RADIL: variants seen among roughly 807,000 people sequenced by gnomAD.
RADIL encodes Rap associating with DIL domain, also known as ras-associating and dilute domain-containing protein.
RADIL carries 99 observed loss-of-function variants against 97.6 expected under a neutral mutation model. The observed-to-expected ratio is 1.01, with a 90% CI of 0.86 to 1.20. The LOEUF (loss-of-function observed/expected upper bound fraction) is 1.20. Among genes scored for constraint, RADIL ranks in the 50% most tolerant of loss-of-function variants. The pLI, the probability that RADIL is intolerant of heterozygous loss-of-function variation, is 0.00. For missense variants in RADIL, 1,765 were observed against 1,498.9 expected (o/e 1.18, Z -2.93); for synonymous variants, 803 against 691.8 (o/e 1.16, Z -2.52).
chr7:4,870,887 C>G (rs950383296), intron 2 of RADIL, among the ~76,000 whole-genome samples: 1 of 152,164 alleles, frequency 6.6e-6, no homozygotes, highest in African/African-American at 2.4e-5. Context: ...GCTGCCCCTC[C>G]GGGACTCACT....
intron 9 of RADIL, among the ~76,000 whole-genome samples, chr7:4,806,235 G>A (rs1174055224): frequency 4.6e-5 from 7 of 152,316 alleles, no homozygotes; most frequent in Middle Eastern, 3.4e-3. Flanking sequence ...CCGCAGCCTC[G>A]ACCTCCCAGG....
At position 4,803,362 on chromosome 7, in the gene RADIL, G is replaced by A. The variant is rs1265966863; in HGVS notation, c.2499+184C>T. On this transcript the variant is annotated intron_variant, in intron 11 of 14. Transcript: ENST00000399583. ...TGGGTCCCCTCCCCGGGCACCTCGG[G>A]GCACGCTGGCTGGGTGGCCCCCTCC... Among the ~76,000 whole-genome samples the A allele has an allele frequency of 9.2e-4, 105 of 114,238 alleles. 3 individuals carry two copies. Among genetic ancestry groups the A allele is most frequent in the African/African-American group, 4.2e-3 (101 of 24,322 alleles). 74.9% of individuals were successfully genotyped at this position (114,238 alleles called of 152,430 possible).
intron 11 of RADIL, among the ~76,000 whole-genome samples, chr7:4,802,405 G>GGGC (rs567469121): frequency 0.011 from 1,423 of 129,092 alleles, no homozygotes; most frequent in South Asian, 0.041. Flanking sequence ...CACGCTGGCT[G>GGGC]GGCCCCCTCC....
rs1784404930 is a variant in RADIL at position 4,877,777 on chromosome 7, A to G, written c.363T>C (p.Asp121=). 5 of 1,612,738 alleles carry G rather than the reference A, an allele frequency of 3.1e-6. No homozygotes were observed. Among genetic ancestry groups the G allele is most frequent in the Non-Finnish European group, 4.2e-6 (5 of 1,179,984 alleles). The part of the protein sequence containing the change: ...VLCDVVGQAG[D]AGQRWQARCF... ...ACCGGGCCTGCCACCGCTGCCCAGC[A>G]TCGCCGGCTTGGCCCACCACGTCAC... Residue 121 remains aspartate (D), a synonymous_variant, in exon 2 of 15, where the codon GAT becomes GAC. Transcript: ENST00000399583.
intron 2 of RADIL, among the ~76,000 whole-genome samples, chr7:4,863,798 C>T (rs1784075542): frequency 6.6e-6 from 1 of 152,220 alleles, no homozygotes; most frequent in Non-Finnish European, 1.5e-5. Flanking sequence ...TCAATTCTAA[C>T]TCCCTACCTT....
At position 4,801,900 on chromosome 7, in the gene RADIL, C is replaced by T. The variant is rs759117844; in HGVS notation, c.2595G>A (p.Pro865=). ...DPGPAAREVA[P]ERTLPLRGAP... is the part of the protein sequence containing the mutation. The stretch of plus-strand genomic sequence containing the variant: ...CCCCCCTCAAGGGAAGAGTACGCTC[C>T]GGGGCCACTTCCCGGGCTGCTGGGC... Residue 865 remains proline (P), a synonymous_variant, in exon 12 of 15, where the codon CCG becomes CCA. Coordinates refer to ENST00000399583, the MANE Select transcript of RADIL (RefSeq NM_018059.5). 74 of 1,574,084 alleles carry T rather than the reference C, an allele frequency of 4.7e-5. No individual in the cohort carries two copies. Among genetic ancestry groups the T allele is most frequent in the African/African-American group, 1.9e-4 (14 of 73,786 alleles).
intron 4 of RADIL, 119 bp from the exon 5 acceptor site, chr7:4,832,297 G>A: frequency 5.3e-6 from 5 of 939,692 alleles, no homozygotes; most frequent in Non-Finnish European, 8.4e-6. Flanking sequence ...CATCCTGTGT[G>A]ACGCTGACTA....
chr7:4,878,981 C>T lies in RADIL; in HGVS notation c.-64-778G>A, dbSNP rs1470025895. ...ATCGCAGCCACGTTGGCAGAATAGA[C>T]CATCAGACATTCCAGACACAAACCC... On this transcript the variant is annotated intron_variant, in intron 1 of 14. Coordinates refer to ENST00000399583, the MANE Select transcript of RADIL (RefSeq NM_018059.5). This position sits in a 1 kb window ranked among gnomAD's most constrained non-coding sequence, Gnocchi z 4.1. 2.0e-5 allele frequency among the ~76,000 whole-genome samples: 3 copies of T among 152,212 alleles called. No homozygotes were observed. The highest frequency in any genetic ancestry group is 7.2e-5 in the African/African-American group (3 of 41,460).
At chr7:4,848,999 G>A (rs1017601818) in intron 2 of RADIL, among the ~76,000 whole-genome samples, 6 of 152,206 alleles carry the variant, frequency 3.9e-5, no homozygotes, top group East Asian at 1.9e-4. Context: ...TTAGCCGGGC[G>A]TGGTGGCATA....
chr7:4,834,547 C>T lies in RADIL; in HGVS notation c.1416+60G>A, dbSNP rs1169970765. On this transcript the variant is annotated intron_variant, in intron 4 of 14. Transcript: ENST00000399583. This position sits in a 1 kb window ranked among gnomAD's most constrained non-coding sequence, Gnocchi z 6.0. ...CCCGCCTCCCAGCCGGGGCCAGCTC[C>T]GGGCCCCCTCTTCCCCCAGACCGGC... 2.3e-6 allele frequency: 3 copies of T among 1,288,938 alleles called. No homozygotes were observed. Among genetic ancestry groups the T allele is most frequent in the Non-Finnish European group, 9.8e-7 (1 of 1,016,996 alleles). The allele number at this position is 1,288,938 out of a possible 1,614,324, so 79.8% of individuals were successfully genotyped here. A position where few individuals can be genotyped will look rare whatever the true frequency, so the allele number is the denominator to read the frequency against.
chr7:4,800,098 C>CGACCAGGCTTGCATGAACAGGCGG, intron 13 of RADIL, 73 bp downstream of exon 13: 1 of 1,518,426 alleles, frequency 6.6e-7, no homozygotes. Context: ...ACGCAAGCTG[C>CGACCAGGCTTGCATGAACAGGCGG]GGCCAGGCTT....
At chr7:4,800,046 C>G in intron 13 of RADIL, 125 bp downstream of exon 13, 3 of 1,380,620 alleles carry the variant, frequency 2.2e-6, no homozygotes, top group Non-Finnish European at 2.9e-6. Flanking sequence ...CAGAGGCCAA[C>G]CCCACTCTCC....
rs1320104461 is a variant in RADIL at position 4,799,650 on chromosome 7, G to A, written c.3102C>T (p.Leu1034=). 3 of 1,602,694 alleles carry A rather than the reference G, an allele frequency of 1.9e-6. No individual in the cohort carries two copies. Among genetic ancestry groups the A allele is most frequent in the African/African-American group, 2.7e-5 (2 of 74,962 alleles). The change falls in exon 14 of 15, where the codon CTC becomes CTT. Residue 1034 remains leucine (L), a synonymous_variant. Coordinates refer to ENST00000399583, the MANE Select transcript of RADIL (RefSeq NM_018059.5). ...GGTACCTCAGGTAGCCAAGGCCCAG[G>A]AGGCTGCTGCCATTCACCTCCAGGA... ...DRILEVNGSS[L]LGLGYLRAVD... is the part of the protein sequence containing the mutation.
At position 4,824,877 on chromosome 7, in the gene RADIL, A is replaced by T. The variant is rs540952359; in HGVS notation, c.1455-2323T>A. Among the ~76,000 whole-genome samples the T allele has an allele frequency of 3.9e-5, 6 of 152,176 alleles. No homozygotes were observed. The South Asian group carries it at 1.2e-3, about 32-fold the overall frequency. The stretch of plus-strand genomic sequence containing the variant: ...AAAATTTGCTGCCCTTCTCAATTTC[A>T]CCGGAACCCGGAGGGTAGACAGGCC... On this transcript the variant is annotated intron_variant, in intron 5 of 14. Coordinates refer to ENST00000399583, the MANE Select transcript of RADIL (RefSeq NM_018059.5). The surrounding 1 kb of genome is among the most constrained non-coding windows in gnomAD (Gnocchi z 6.7).
intron 2 of RADIL, among the ~76,000 whole-genome samples, chr7:4,851,173 G>C (rs538149122): frequency 2.3e-4 from 35 of 151,430 alleles, no homozygotes; most frequent in Non-Finnish European, 4.4e-4. Context: ...CCATTGCCTG[G>C]GTGACAAGAG....
chr7:4,799,204 T>C lies in RADIL; in HGVS notation c.*174A>G, dbSNP rs1385647769. The C allele has an allele frequency of 8.3e-6, 5 of 602,236 alleles. No homozygotes were observed. The highest frequency in any genetic ancestry group is 1.2e-5 in the Non-Finnish European group (4 of 338,176). The allele number at this position is 602,236 out of a possible 1,614,324, so 37.3% of individuals were successfully genotyped here. ...CATCACAATTTCACGTCATCTGCCA[T>C]ATAAATAGAACCTACACTGAGATGC... On this transcript the variant is annotated 3_prime_UTR_variant, in exon 15 of 15. Coordinates refer to ENST00000399583, the MANE Select transcript of RADIL (RefSeq NM_018059.5).
At position 4,878,118 on chromosome 7, in the gene RADIL, T is replaced by C. The variant is rs1193120714; in HGVS notation, c.22A>G (p.Ile8Val). The change falls in exon 2 of 15, where the codon ATC becomes GTC. Residue 8 changes from isoleucine (I) to valine (V), a missense_variant. By Grantham distance (29) the Ile-to-Val change is conservative (BLOSUM62 3). Coordinates refer to ENST00000399583, the MANE Select transcript of RADIL (RefSeq NM_018059.5). This position sits in a 1 kb window ranked among gnomAD's most constrained non-coding sequence, Gnocchi z 4.1. MFYGTHF[I>V]MSPPTKSKLK... ...TTGCTCTTGGTGGGCGGGGACATGA[T>C]GAAGTGCGTCCCATAAAACATGGTG... 2 of 1,569,008 alleles carry C rather than the reference T, an allele frequency of 1.3e-6. No homozygotes were observed. The highest frequency in any genetic ancestry group is 1.4e-5 in the African/African-American group (1 of 73,972).
At chr7:4,802,648 C>T (rs1162841274) in intron 11 of RADIL, among the ~76,000 whole-genome samples, 4 of 130,442 alleles carry the variant, frequency 3.1e-5, no homozygotes, top group African/African-American at 1.1e-4. Flanking sequence ...CCGGGCACCT[C>T]GGGGCACTCT....
In RADIL at chr7:4,816,244, G is replaced by A. The variant is rs1483788681; in HGVS notation, c.1950C>T (p.Asn650=). 17 of 1,611,354 alleles carry A rather than the reference G, an allele frequency of 1.1e-5. No homozygotes were observed. The highest frequency in any genetic ancestry group is 1.4e-5 in the Non-Finnish European group (17 of 1,178,630). The part of the protein sequence containing the change: ...LFFFSGTLLL[N]QLLDRGPSLS... ...GGCCCTCACCCCTGTCGAGGAGCTG[G>A]TTGAGAAGCAGTGTCCCGGAGAAGA... The change falls in exon 8 of 15, where the codon AAC becomes AAT. Residue 650 remains asparagine, a synonymous_variant. Transcript: ENST00000399583.
Sources: allele counts gnomAD v4.1 joint callset (sites outside exome capture counted in the v4.1 genomes callset), GRCh38; gene constraint gnomAD v4.1.1; non-coding constraint Gnocchi (gnomAD v3.1); transcripts MANE v1.5; gene names NCBI Gene and HGNC (gene_info 2026-07-23, HGNC 2026-07-21).